SMIM3: variants seen among roughly 807,000 people sequenced by gnomAD.
SMIM3 encodes small integral membrane protein 3.
SMIM3 carries 4 observed loss-of-function variants against 2.1 expected under a neutral mutation model. That is an observed-to-expected ratio of 1.89 (90% CI 0.93 to 4.31). The LOEUF is 4.31. SMIM3 is among the 30% of genes most tolerant of loss of function. The probability of loss-of-function intolerance (pLI) is 0.01; values close to 1 mark genes in which losing one functional copy is unlikely to be tolerated. For missense variants in SMIM3, 79 were observed against 77.7 expected, an observed-to-expected ratio of 1.02 and a Z score of -0.06; for synonymous variants, 29 against 30.8, an observed-to-expected ratio of 0.94 and a Z score of 0.19.
At chr5:150,791,565 G>A (rs551463054) in intron 1 of SMIM3, among the ~76,000 whole-genome samples, 1 of 152,220 alleles carries the variant, frequency 6.6e-6, no homozygotes, top group Admixed American at 6.5e-5. Context: ...GTTCATCTAT[G>A]TTGTCACAAA....
At chr5:150,780,661 G>T (rs1305824312) in intron 1 of SMIM3, among the ~76,000 whole-genome samples, 1 of 152,120 alleles carries the variant, frequency 6.6e-6, no homozygotes, top group East Asian at 1.9e-4. Context: ...CAGATCCTGG[G>T]CCCTTGGGGG....
At chr5:150,785,371 G>A (rs2113201288) in intron 1 of SMIM3, among the ~76,000 whole-genome samples, 1 of 151,950 alleles carries the variant, frequency 6.6e-6, no homozygotes, top group South Asian at 2.1e-4. Context: ...ACAGGTGTGA[G>A]CCACCGCACC....
chr5:150,790,162 T>A (rs1753335638), intron 1 of SMIM3, among the ~76,000 whole-genome samples: 1 of 152,134 alleles, frequency 6.6e-6, no homozygotes, highest in African/African-American at 2.4e-5. Flanking sequence ...TCACCATCTG[T>A]GAAATGGCAC....
Position 150,795,896 on chromosome 5 carries a change from G to A in SMIM3, c.*273G>A. 2.1e-6 allele frequency: 1 copy of A among 468,472 alleles called. No homozygotes were observed. Among genetic ancestry groups the A allele is most frequent in the Non-Finnish European group, 3.9e-6 (1 of 255,762 alleles). The allele number at this position is 468,472 out of a possible 1,614,324, so 29.0% of individuals were successfully genotyped here. Reference sequence around the variant, plus strand: ...CTTAGTGGATGTGAAAGCTGTTTGTGATCAGTAAAGCTACCACAGATATAA... The same window carrying A: ...CTTAGTGGATGTGAAAGCTGTTTGTAATCAGTAAAGCTACCACAGATATAA... On this transcript the variant is annotated 3_prime_UTR_variant, in exon 2 of 2. Coordinates refer to ENST00000526627, the MANE Select transcript of SMIM3 (RefSeq NM_032947.5).
intron 1 of SMIM3, among the ~76,000 whole-genome samples, chr5:150,785,233 G>A (rs552755650): frequency 2.0e-5 from 3 of 151,872 alleles, no homozygotes; most frequent in Admixed American, 2.0e-4. Context: ...GATTACAGAC[G>A]TGTGCCACCA....
chr5:150,795,721 G>A lies in SMIM3; in HGVS notation c.*98G>A. 7.5e-7 allele frequency: 1 copy of A among 1,339,072 alleles called. No individual in the cohort carries two copies. The highest frequency in any genetic ancestry group is 1.0e-6 in the Non-Finnish European group (1 of 990,218). The allele number at this position is 1,339,072 out of a possible 1,614,324, so 82.9% of individuals were successfully genotyped here. A position where few individuals can be genotyped will look rare whatever the true frequency, so the allele number is the denominator to read the frequency against. On this transcript the variant is annotated 3_prime_UTR_variant, in exon 2 of 2. Transcript: ENST00000526627. ...AGCAGCAGGAGGGACTTTGGGGCAT[G>A]GACCTGAGTTCTGGTTTTGATTCTG...
intron 1 of SMIM3, among the ~76,000 whole-genome samples, chr5:150,784,912 T>C (rs1025886164): frequency 3.9e-5 from 6 of 152,138 alleles, no homozygotes; most frequent in African/African-American, 1.4e-4. Flanking sequence ...GTGGCTACCA[T>C]AGAGGTTACA....
chr5:150,794,926 T>A (rs1753386410), intron 1 of SMIM3, among the ~76,000 whole-genome samples: 1 of 151,948 alleles, frequency 6.6e-6, no homozygotes, highest in South Asian at 2.1e-4. Context: ...ACAGAATAGG[T>A]AGGTTCTCCC....
rs1753413001 is a variant in SMIM3, at chr5:150,796,696, G to T, written c.*1073G>T. 1 of 152,356 alleles carries T rather than the reference G, an allele frequency of 6.6e-6. No homozygotes were observed. The highest frequency in any genetic ancestry group is 2.4e-5 in the African/African-American group (1 of 41,454). The allele number at this position is 152,356 out of a possible 1,614,324, so 9.4% of individuals were successfully genotyped here. On this transcript the variant is annotated 3_prime_UTR_variant, in exon 2 of 2. Coordinates refer to ENST00000526627, the MANE Select transcript of SMIM3 (RefSeq NM_032947.5). ...GCTTTTACTTTGATGTGATCTCATTGATGTACACAACCAAGTTCCAATAAA... is the reference window on the plus strand; with the variant it reads ...GCTTTTACTTTGATGTGATCTCATTTATGTACACAACCAAGTTCCAATAAA...
intron 1 of SMIM3, among the ~76,000 whole-genome samples, chr5:150,786,789 T>C (rs1753298074): frequency 6.6e-6 from 1 of 152,204 alleles, no homozygotes; most frequent in African/African-American, 2.4e-5. Flanking sequence ...TATTTTGTTT[T>C]TATCATCCTG....
chr5:150,791,615 C>T (rs1753350681), intron 1 of SMIM3, among the ~76,000 whole-genome samples: 2 of 152,128 alleles, frequency 1.3e-5, no homozygotes, highest in African/African-American at 2.4e-5. Flanking sequence ...AAATAATATT[C>T]CATTGAGTAT....
rs776080069 is a variant in SMIM3 at position 150,778,952 on chromosome 5, G to A, written c.-32G>A. The A allele has an allele frequency of 3.5e-5, 18 of 513,486 alleles. No homozygotes were observed. Among genetic ancestry groups the A allele is most frequent in the South Asian group, 2.6e-4 (18 of 68,024 alleles). The allele number at this position is 513,486 out of a possible 1,614,324, so 31.8% of individuals were successfully genotyped here. A position where few individuals can be genotyped will look rare whatever the true frequency, so the allele number is the denominator to read the frequency against. On this transcript the variant is annotated 5_prime_UTR_variant, in exon 1 of 2. Coordinates refer to ENST00000526627, the MANE Select transcript of SMIM3 (RefSeq NM_032947.5). Reference sequence around the variant, plus strand: ...GCCATCCCTGACCCAGGAACTTTCCGCAGACTCGCCGCCATCTGGGGTGAG... The same window carrying A: ...GCCATCCCTGACCCAGGAACTTTCCACAGACTCGCCGCCATCTGGGGTGAG...
At chr5:150,791,668 G>A (rs1214132949) in intron 1 of SMIM3, among the ~76,000 whole-genome samples, 1 of 152,060 alleles carries the variant, frequency 6.6e-6, no homozygotes, top group Non-Finnish European at 1.5e-5. Flanking sequence ...TAGACACTTA[G>A]GTTTATTCCA....
intron 1 of SMIM3, among the ~76,000 whole-genome samples, chr5:150,780,870 T>C (rs577434319): frequency 6.6e-6 from 1 of 152,310 alleles, no homozygotes; most frequent in South Asian, 2.1e-4. Context: ...ACACAGTTTA[T>C]TGAGGTATAG....
At chr5:150,783,164 G>C (rs1324347183) in intron 1 of SMIM3, among the ~76,000 whole-genome samples, 1 of 152,204 alleles carries the variant, frequency 6.6e-6, no homozygotes, top group Non-Finnish European at 1.5e-5. Flanking sequence ...TTCTGAGAAG[G>C]AACAGCAAAC....
chr5:150,789,186 A>AT, intron 1 of SMIM3, among the ~76,000 whole-genome samples: 1 of 152,232 alleles, frequency 6.6e-6, no homozygotes, highest in Non-Finnish European at 1.5e-5. Flanking sequence ...AAATTAATCT[A>AT]TGACTATTAT....
intron 1 of SMIM3, among the ~76,000 whole-genome samples, chr5:150,783,914 C>T (rs1019795858): frequency 4.0e-5 from 5 of 124,328 alleles, no homozygotes; most frequent in African/African-American, 1.3e-4. Context: ...TTTGAACTCC[C>T]TTTTTTTTTT....
At chr5:150,781,697 G>A (rs1378891574) in intron 1 of SMIM3, among the ~76,000 whole-genome samples, 1 of 152,140 alleles carries the variant, frequency 6.6e-6, no homozygotes, top group Non-Finnish European at 1.5e-5. Flanking sequence ...TTGGGAGAGC[G>A]ACCTGTTGAG....
At position 150,795,411 on chromosome 5, in the gene SMIM3, C is replaced by T; in HGVS notation, c.-11-19C>T. 6.2e-6 allele frequency: 10 copies of T among 1,613,318 alleles called. No homozygotes were observed. Among genetic ancestry groups the T allele is most frequent in the Non-Finnish European group, 8.5e-6 (10 of 1,179,330 alleles). On this transcript the variant is annotated intron_variant, in intron 1 of 1. Transcript: ENST00000526627. ...GGAGAGAGTACGCAACAGTGATCTT[C>T]CTTTCTTGTCTGTTGCAGAGTGAAG...
Sources: allele counts gnomAD v4.1 joint callset (sites outside exome capture counted in the v4.1 genomes callset), GRCh38; gene constraint gnomAD v4.1.1; transcripts MANE v1.5; gene names NCBI Gene and HGNC (gene_info 2026-07-23, HGNC 2026-07-21).